Variants in POLR1A observed in about 807,000 individuals in gnomAD.
The protein encoded by POLR1A is RNA polymerase I subunit A.
POLR1A carries 84 observed loss-of-function variants against 205.3 expected under a neutral mutation model. The ratio of observed to expected loss-of-function variants is 0.41; its 90% CI spans 0.34 to 0.49. POLR1A has a LOEUF of 0.49. Ranked by LOEUF, POLR1A falls within the 20% of genes least tolerant of loss-of-function variation. POLR1A has a pLI of 0.22. For missense variants in POLR1A, 1,645 were observed against 2,204.5 expected, an observed-to-expected ratio of 0.75 and a Z score of 5.08; for synonymous variants, 799 against 863.7, an observed-to-expected ratio of 0.93 and a Z score of 1.31.
intron 15 of POLR1A, among the ~76,000 whole-genome samples, chr2:86,053,583 A>G (rs1672844759): frequency 6.6e-6 from 1 of 152,206 alleles, no homozygotes; most frequent in South Asian, 2.1e-4. Flanking sequence ...GTAATGTAGC[A>G]CCCATGAAGC....
At chr2:86,076,235 C>T (rs1347398371) in intron 11 of POLR1A, among the ~76,000 whole-genome samples, 1 of 152,216 alleles carries the variant, frequency 6.6e-6, no homozygotes, top group East Asian at 1.9e-4. Context: ...AGATGTCCTA[C>T]ATAAAGGAAC....
Position 86,081,675 on chromosome 2 carries a change from C to A in POLR1A, c.849G>T (p.Met283Ile). 1.2e-6 allele frequency: 2 copies of A among 1,611,348 alleles called. No individual in the cohort carries two copies. Among genetic ancestry groups the A allele is most frequent in the Non-Finnish European group, 1.7e-6 (2 of 1,178,964 alleles). Residue 283 changes from methionine (M) to isoleucine (I), a missense_variant, in exon 8 of 34, where the codon ATG (methionine) becomes ATT (isoleucine). Met to Ile is a conservative substitution (Grantham distance 10). This residue lies in a region of POLR1A where 330 missense variants were observed against 375.6 expected (regional missense o/e 0.88). Coordinates refer to ENST00000263857, the MANE Select transcript of POLR1A (RefSeq NM_015425.6). ...GFFLNYLFSG[M>I]DDDGMESRFN... ...ATCTGGATTCCATACCATCATCATC[C>A]ATTCCCGAAAAAAGGTAGTTCAGAA... is the stretch of plus-strand genomic sequence containing the variant.
chr2:86,039,492 T>A (rs1447453227), intron 25 of POLR1A, 30 bp from the exon 26 acceptor site: 10 of 1,613,792 alleles, frequency 6.2e-6, no homozygotes, highest in Non-Finnish European at 8.5e-6. Context: ...CATCCAATCA[T>A]GAGTGGCAAC....
chr2:86,027,620 A>C (rs1672293170), intron 33 of POLR1A, 97 bp from the exon 34 acceptor site: 2 of 1,119,834 alleles, frequency 1.8e-6, no homozygotes, highest in Non-Finnish European at 2.7e-6. Context: ...CTCGGGACTC[A>C]GGTGGGTCCT....
chr2:86,037,535 C>T (rs777072765), intron 27 of POLR1A, among the ~76,000 whole-genome samples: 1 of 152,242 alleles, frequency 6.6e-6, no homozygotes, highest in Non-Finnish European at 1.5e-5. Context: ...GGGCATGGCT[C>T]AGTATGTGTT....
chr2:86,105,530 C>G lies in POLR1A; in HGVS notation c.77+170G>C, dbSNP rs573184195. ...CAGCACCACCGGCCTCTTATCCAGG[C>G]AGTCCACGCCGGCCCAGGAACGTTC... is the stretch of plus-strand genomic sequence containing the variant. On this transcript the variant is annotated intron_variant, in intron 1 of 33. Coordinates refer to ENST00000263857, the MANE Select transcript of POLR1A (RefSeq NM_015425.6). 2.0e-5 allele frequency among the ~76,000 whole-genome samples: 3 copies of G among 152,150 alleles called. No individual in the cohort carries two copies. In the East Asian group the frequency reaches 5.8e-4, roughly 29 times the overall value.
intron 14 of POLR1A, among the ~76,000 whole-genome samples, chr2:86,054,563 T>C (rs1454191206): frequency 2.5e-4 from 38 of 152,222 alleles, no homozygotes; most frequent in Non-Finnish European, 5.9e-5. Context: ...TTAAAGTGAA[T>C]AATCCCCTAG....
chr2:86,093,775 G>A (rs1408017754), intron 3 of POLR1A, among the ~76,000 whole-genome samples: 7 of 152,212 alleles, frequency 4.6e-5, no homozygotes, highest in Admixed American at 2.0e-4. Flanking sequence ...GTTGCAGAGA[G>A]CCGAGATAGT....
At position 86,088,553 on chromosome 2, in the gene POLR1A, C is replaced by A; in HGVS notation, c.730+13G>T. 3.8e-6 allele frequency: 6 copies of A among 1,585,600 alleles called. No homozygotes were observed. The highest frequency in any genetic ancestry group is 5.2e-6 in the Non-Finnish European group (6 of 1,154,080). On this transcript the variant is annotated intron_variant, in intron 6 of 33. Coordinates refer to ENST00000263857, the MANE Select transcript of POLR1A (RefSeq NM_015425.6). ...CCTCACATGGAGCTCCTCTCCAGACCCAGCCTGCTCACCCAGGGGCTCAGA... is the reference window on the plus strand; with the variant it reads ...CCTCACATGGAGCTCCTCTCCAGACACAGCCTGCTCACCCAGGGGCTCAGA...
At chr2:86,099,718 G>C (rs576031218) in intron 2 of POLR1A, among the ~76,000 whole-genome samples, 8 of 151,988 alleles carry the variant, frequency 5.3e-5, no homozygotes, top group Non-Finnish European at 1.0e-4. Flanking sequence ...AACTCTCCCC[G>C]ACCCTCCACG....
intron 14 of POLR1A, among the ~76,000 whole-genome samples, chr2:86,056,687 C>T (rs1672904695): frequency 6.6e-6 from 1 of 152,054 alleles, no homozygotes; most frequent in African/African-American, 2.4e-5. Flanking sequence ...AAGTTGAAAC[C>T]AGTGAACATT....
chr2:86,038,796 T>C lies in POLR1A; in HGVS notation c.3938A>G (p.Gln1313Arg), dbSNP rs1573804675. The change falls in exon 27 of 34, where the codon CAG becomes CGG. Residue 1313 changes from glutamine (Q) to arginine (R), a missense_variant. This residue lies in a region of POLR1A where 394 missense variants were observed against 468.5 expected (regional missense o/e 0.84). Coordinates refer to ENST00000263857, the MANE Select transcript of POLR1A (RefSeq NM_015425.6). The stretch of plus-strand genomic sequence containing the variant: ...GAACTGAAACCGCAGCTGGTACACC[T>C]GGAATTTGTTCTGTTTTTCTTCCAT... ...FCMEEKQNKFQVYQLRFQFLP... is the reference protein window; with the variant it reads ...FCMEEKQNKFRVYQLRFQFLP... 3.7e-6 allele frequency: 6 copies of C among 1,613,964 alleles called. No individual in the cohort carries two copies. In the East Asian group the frequency reaches 1.3e-4, roughly 36 times the overall value.
At chr2:86,038,915 T>C in intron 26 of POLR1A, 58 bp from the exon 27 acceptor site, 7 of 1,518,612 alleles carry the variant, frequency 4.6e-6, no homozygotes, top group Non-Finnish European at 4.6e-6. Context: ...GACTGCGCAA[T>C]GTGAGTGGGT....
At chr2:86,100,630 C>A (rs1673801753) in intron 1 of POLR1A, among the ~76,000 whole-genome samples, 1 of 151,596 alleles carries the variant, frequency 6.6e-6, no homozygotes, top group South Asian at 2.1e-4. Context: ...AACTCCTGGG[C>A]TCCAGTGATC....
At chr2:86,082,981 C>T (rs1673432777) in intron 7 of POLR1A, 101 bp downstream of exon 7, 1 of 869,372 alleles carries the variant, frequency 1.2e-6, no homozygotes, top group African/African-American at 1.7e-5. Flanking sequence ...GAGGAAGCTA[C>T]AATCACTACA....
At chr2:86,027,666 C>G in intron 33 of POLR1A, 143 bp from the exon 34 acceptor site, 1 of 837,108 alleles carries the variant, frequency 1.2e-6, no homozygotes, top group Non-Finnish European at 2.0e-6. Flanking sequence ...GAGGCAGCCC[C>G]CCTCTAGCAC....
chr2:86,035,511 G>C (rs1487818370), intron 27 of POLR1A, among the ~76,000 whole-genome samples: 1 of 152,194 alleles, frequency 6.6e-6, no homozygotes, highest in Non-Finnish European at 1.5e-5. Flanking sequence ...GAGGCGGAGT[G>C]GGGGTGCGGG....
intron 23 of POLR1A, among the ~76,000 whole-genome samples, chr2:86,042,682 T>G (rs541179210): frequency 5.9e-5 from 9 of 152,350 alleles, no homozygotes; most frequent in African/African-American, 2.2e-4. Flanking sequence ...CCAGTGGCCC[T>G]AGCACATAGT....
chr2:86,040,632 G>A, intron 24 of POLR1A, 73 bp from the exon 25 acceptor site: 12 of 1,226,916 alleles, frequency 9.8e-6, no homozygotes, highest in Non-Finnish European at 1.2e-5. Flanking sequence ...GACTGTCAAT[G>A]CTGCCCGAAA....
Sources: gnomAD v4.1 joint callset for allele counts (sites outside exome capture counted in the v4.1 genomes callset) on GRCh38, gnomAD v4.1.1 for gene constraint, gnomAD v4.1.1 regional missense constraint, MANE v1.5 for transcripts, NCBI Gene and HGNC (gene_info 2026-07-23, HGNC 2026-07-21) for gene names.